The following SLC24A2 variants were observed in gnomAD, a reference collection of about 807,000 sequenced individuals.
The protein encoded by SLC24A2 is solute carrier family 24 member 2, also known as sodium/potassium/calcium exchanger 2.
Under a neutral mutation model 62.0 loss-of-function variants are expected in SLC24A2, and 36 were observed. That is an observed-to-expected ratio of 0.58 (90% CI 0.44 to 0.77). SLC24A2 has a LOEUF of 0.77. Among genes scored for constraint, SLC24A2 ranks in the 30% least tolerant of loss-of-function variants. The pLI is 0.00. For missense variants in SLC24A2, 846 were observed against 817.9 expected (o/e 1.03, Z -0.42); for synonymous variants, 358 against 294.0 (o/e 1.22, Z -2.23).
At chr9:20,217,770 C>T in the SLC24A2 span, among the ~76,000 whole-genome samples, 1 of 152,136 alleles carries the variant, frequency 6.6e-6, no homozygotes, top group Non-Finnish European at 1.5e-5. Context: ...AATTATTGTA[C>T]CCATGTGTTT....
rs538900074 is a variant in SLC24A2 at position 19,626,062 on chromosome 9, C to G, written c.931-3763G>C. On this transcript the variant is annotated intron_variant, in intron 2 of 10. Coordinates refer to ENST00000341998, the MANE Select transcript of SLC24A2 (RefSeq NM_020344.4). ...TGAAATTGTCCATTTATGCTTGCAT[C>G]CCAGATAATAAAATGCATAGCCCAT... Among the ~76,000 whole-genome samples the G allele has an allele frequency of 5.9e-5, 9 of 152,218 alleles. No individual in the cohort carries two copies. The East Asian group carries it at 1.7e-3, about 29-fold the overall frequency.
At chr9:20,277,085 C>T in the SLC24A2 span, among the ~76,000 whole-genome samples, 18 of 152,274 alleles carry the variant, frequency 1.2e-4, no homozygotes, top group Admixed American at 4.6e-4. Context: ...AAATTTCTGC[C>T]GCCAGCTTGA....
At chr9:20,037,956 A>G in the SLC24A2 span, among the ~76,000 whole-genome samples, 1 of 152,252 alleles carries the variant, frequency 6.6e-6, no homozygotes, top group Non-Finnish European at 1.5e-5. Context: ...TAGGATGATT[A>G]CAATATTATC....
chr9:20,152,807 G>A, the SLC24A2 span, among the ~76,000 whole-genome samples: 2 of 151,800 alleles, frequency 1.3e-5, no homozygotes, highest in African/African-American at 4.8e-5. Flanking sequence ...TTTGAAAGCT[G>A]GATTGGGTGT....
At chr9:19,799,172 TC>T in the SLC24A2 span, among the ~76,000 whole-genome samples, 3 of 152,172 alleles carry the variant, frequency 2.0e-5, no homozygotes, top group African/African-American at 7.2e-5. Flanking sequence ...CTCTTCTAAC[TC>T]ATGCTTTTTT....
chr9:19,900,439 G>A, the SLC24A2 span, among the ~76,000 whole-genome samples: 4 of 151,934 alleles, frequency 2.6e-5, no homozygotes, highest in East Asian at 3.9e-4. Flanking sequence ...TTCCCTACTC[G>A]CCTATTATTG....
the SLC24A2 span, among the ~76,000 whole-genome samples, chr9:19,894,741 A>G: frequency 6.6e-6 from 1 of 152,190 alleles, no homozygotes; most frequent in East Asian, 1.9e-4. Flanking sequence ...TATTTATTAT[A>G]CAAGTTCTCT....
At chr9:20,106,279 G>A in the SLC24A2 span, among the ~76,000 whole-genome samples, 20 of 152,230 alleles carry the variant, frequency 1.3e-4, no homozygotes, top group South Asian at 1.2e-3. Context: ...ACAAGGAGGA[G>A]CCAGTACCAT....
chr9:20,047,688 G>A, the SLC24A2 span, among the ~76,000 whole-genome samples: 1 of 148,198 alleles, frequency 6.7e-6, no homozygotes, highest in South Asian at 2.2e-4. Flanking sequence ...GAGGAAATGG[G>A]GAGCTAGCCC....
At chr9:19,647,090 A>G (rs1427893943) in intron 2 of SLC24A2, among the ~76,000 whole-genome samples, 1 of 150,948 alleles carries the variant, frequency 6.6e-6, no homozygotes, top group Non-Finnish European at 1.5e-5. Flanking sequence ...ACACACACAC[A>G]CACACACACA....
chr9:20,278,210 T>A, the SLC24A2 span, among the ~76,000 whole-genome samples: 5 of 152,208 alleles, frequency 3.3e-5, no homozygotes, highest in South Asian at 1.0e-3. Context: ...ACTGTGCACA[T>A]GTACCCTAGA....
At chr9:20,255,018 A>C in the SLC24A2 span, among the ~76,000 whole-genome samples, 8 of 152,158 alleles carry the variant, frequency 5.3e-5, no homozygotes, top group African/African-American at 1.7e-4. Flanking sequence ...ATTACCTCCT[A>C]CAAGGTCCTT....
At chr9:19,982,896 C>T in the SLC24A2 span, among the ~76,000 whole-genome samples, 6 of 152,174 alleles carry the variant, frequency 3.9e-5, no homozygotes, top group Admixed American at 1.3e-4. Flanking sequence ...ATTTAATACA[C>T]CACATTAATA....
At chr9:19,836,304 A>G in the SLC24A2 span, among the ~76,000 whole-genome samples, 286 of 152,300 alleles carry the variant, frequency 1.9e-3, 4 homozygotes, top group Admixed American at 0.016. Context: ...TTTTTTGAAT[A>G]GATCAACAAA....
the SLC24A2 span, among the ~76,000 whole-genome samples, chr9:20,151,798 A>T: frequency 6.6e-6 from 1 of 151,126 alleles, no homozygotes; most frequent in Non-Finnish European, 1.5e-5. Context: ...TGCTAAAGGA[A>T]CTCTCCCACT....
At chr9:19,946,136 T>C in the SLC24A2 span, among the ~76,000 whole-genome samples, 13 of 152,220 alleles carry the variant, frequency 8.5e-5, no homozygotes, top group African/African-American at 2.7e-4. Flanking sequence ...TGGTTCATAA[T>C]TGGCCATGAG....
the SLC24A2 span, among the ~76,000 whole-genome samples, chr9:20,226,672 A>T: frequency 6.6e-6 from 1 of 151,882 alleles, no homozygotes; most frequent in Admixed American, 6.6e-5. Flanking sequence ...CCTGATGAAG[A>T]CCTGAAACAA....
intron 2 of SLC24A2, among the ~76,000 whole-genome samples, chr9:19,764,513 A>AT (rs1223940375): frequency 1.3e-5 from 2 of 152,136 alleles, no homozygotes; most frequent in African/African-American, 4.8e-5. Flanking sequence ...CTTTGTTCTC[A>AT]TTGGTTTCAA....
intron 5 of SLC24A2, among the ~76,000 whole-genome samples, chr9:19,581,273 A>G (rs1421144178): frequency 3.3e-5 from 5 of 152,192 alleles, no homozygotes; most frequent in Admixed American, 3.3e-4. Context: ...GGTCAAGGTG[A>G]TAGAGCTGGC....
Sources: gnomAD v4.1 joint callset for allele counts (sites outside exome capture counted in the v4.1 genomes callset) on GRCh38, gnomAD v4.1.1 for gene constraint, MANE v1.5 for transcripts, NCBI Gene and HGNC (gene_info 2026-07-23, HGNC 2026-07-21) for gene names.